Variants in XIAP observed in about 807,000 individuals in gnomAD.
XIAP encodes E3 ubiquitin-protein ligase XIAP.
Under a neutral mutation model 33.1 loss-of-function variants are expected in XIAP, and 3 were observed. The observed-to-expected ratio is 0.09, with a 90% CI of 0.04 to 0.23. The LOEUF is 0.23. Among genes scored for constraint, XIAP ranks in the 10% least tolerant of loss-of-function variants. The pLI, the probability that XIAP is intolerant of heterozygous loss-of-function variation, is 1.00. For synonymous variants in XIAP, 98 were observed against 121.3 expected (o/e 0.81, Z 1.26); for missense variants, 264 against 363.0 (o/e 0.73, Z 2.22).
chrX:123,906,909 G>A, intron 6 of XIAP, 79 bp from the exon 7 acceptor site: 4 of 1,128,414 alleles, frequency 3.5e-6, no homozygotes, highest in Non-Finnish European at 4.8e-6. Flanking sequence ...GCACGTAGTA[G>A]GGGCTCAATA....
chrX:123,900,745 T>A, intron 6 of XIAP, 52 bp downstream of exon 6: 1 of 1,103,886 alleles, frequency 9.1e-7, no homozygotes, highest in East Asian at 3.0e-5. Flanking sequence ...TGGTGGCTCA[T>A]ACCTGTAATC....
At chrX:123,902,222 G>A (rs749509024) in intron 6 of XIAP, among the ~76,000 whole-genome samples, 93 of 111,804 alleles carry the variant, frequency 8.3e-4, no homozygotes, top group Non-Finnish European at 1.4e-3. Context: ...GCATTAGGGA[G>A]AGTGTCTTTT....
chrX:123,886,752 G>A (rs1317446194), intron 2 of XIAP, among the ~76,000 whole-genome samples: 1 of 111,236 alleles, frequency 9.0e-6, no homozygotes, highest in Non-Finnish European at 1.9e-5. Context: ...TATGAGTCAT[G>A]CTTCTCTTCA....
rs146185596 is a variant in XIAP, at chrX:123,899,792, A to G, written c.1100-701A>G. On this transcript the variant is annotated intron_variant, in intron 5 of 6. Transcript: ENST00000371199. The stretch of plus-strand genomic sequence containing the variant: ...TGTATCTGTTCACCTGATGATGGAC[A>G]TTTGAGTTGTTTCCAGTTTGGGGCT... 2.2e-3 allele frequency among the ~76,000 whole-genome samples: 236 copies of G among 108,754 alleles called. 1 individual carries two copies. The highest frequency in any genetic ancestry group is 9.4e-3 in the Middle Eastern group (2 of 212). 94.4% of individuals were successfully genotyped at this position (108,754 alleles called of 115,157 possible). A position where few individuals can be genotyped will look rare whatever the true frequency, so the allele number is the denominator to read the frequency against.
At chrX:123,898,135 G>A (rs2053477424) in intron 5 of XIAP, among the ~76,000 whole-genome samples, 1 of 111,425 alleles carries the variant, frequency 9.0e-6, no homozygotes, top group East Asian at 2.8e-4. Context: ...AATTTATGTT[G>A]TTCCTAAGCT....
chrX:123,890,387 G>C (rs1464753784), intron 3 of XIAP, among the ~76,000 whole-genome samples: 2 of 106,858 alleles, frequency 1.9e-5, no homozygotes, highest in Non-Finnish European at 3.9e-5. Context: ...ACTTTGGGAG[G>C]CTGAGGCGGG....
intron 1 of XIAP, among the ~76,000 whole-genome samples, chrX:123,864,104 A>T (rs1342209493): frequency 9.2e-6 from 1 of 108,263 alleles, no homozygotes; most frequent in Non-Finnish European, 1.9e-5. Flanking sequence ...CAAAATTATT[A>T]TAATTAATGG....
At chrX:123,904,991 T>A (rs1026749110) in intron 6 of XIAP, among the ~76,000 whole-genome samples, 1 of 112,019 alleles carries the variant, frequency 8.9e-6, no homozygotes, top group Non-Finnish European at 1.9e-5. Context: ...TAGACCAAGC[T>A]TCTTAAGGGT....
At position 123,885,890 on chromosome X, in the gene XIAP, A is replaced by G; in HGVS notation, c.228A>G (p.Gly76=). The change falls in exon 2 of 7, where the codon GGA becomes GGG. Residue 76 remains glycine, a synonymous_variant. Transcript: ENST00000371199. ...CAGCTGTAGATAGATGGCAATATGG[A>G]GACTCAGCAGTTGGAAGACACAGGA... The part of the protein sequence containing the change: ...CHAAVDRWQY[G]DSAVGRHRKV... 1 of 1,211,863 alleles carries G rather than the reference A, an allele frequency of 8.3e-7. No homozygotes were observed. Among genetic ancestry groups the G allele is most frequent in the East Asian group, 3.0e-5 (1 of 33,862 alleles).
chrX:123,871,028 C>T (rs184098695), intron 1 of XIAP, among the ~76,000 whole-genome samples: 41 of 111,280 alleles, frequency 3.7e-4, no homozygotes, highest in African/African-American at 6.5e-4. Flanking sequence ...ATGCAACCTC[C>T]GCCTCCCAGG....
At chrX:123,875,481 C>A (rs1370489836) in intron 1 of XIAP, among the ~76,000 whole-genome samples, 1 of 112,133 alleles carries the variant, frequency 8.9e-6, no homozygotes, top group African/African-American at 3.2e-5. Flanking sequence ...GCAAATGCCT[C>A]TTGCTTCATA....
At position 123,891,232 on chromosome X, in the gene XIAP, G is replaced by A. The variant is rs912189497; in HGVS notation, c.978-6G>A. 1.6e-5 allele frequency: 16 copies of A among 996,109 alleles called. No individual in the cohort carries two copies. The highest frequency in any genetic ancestry group is 2.2e-5 in the Non-Finnish European group (16 of 713,396). 82.1% of individuals were successfully genotyped at this position (996,109 alleles called of 1,213,427 possible). On this transcript the variant is annotated splice_polypyrimidine_tract_variant and splice_region_variant and intron_variant, in intron 3 of 6. Transcript: ENST00000371199. ...GCTACTAAAGTTTAATCTTTTAATT[G>A]TTTAGGTGCAAATATCTGTTAGAAC...
intron 1 of XIAP, among the ~76,000 whole-genome samples, chrX:123,885,227 AATAT>A (rs908918860): frequency 2.7e-5 from 3 of 111,975 alleles, no homozygotes; most frequent in African/African-American, 9.7e-5. Context: ...TGATGCCTTG[AATAT>A]ATAATGATTC....
intron 1 of XIAP, chrX:123,872,604 C>G (rs1432724673): frequency 9.0e-6 from 1 of 110,715 alleles, no homozygotes; most frequent in Non-Finnish European, 1.9e-5. Context: ...AGGAGAATCA[C>G]TTGAATTTGG....
chrX:123,871,520 C>CT (rs773491911), intron 1 of XIAP, among the ~76,000 whole-genome samples: 1,863 of 101,982 alleles, frequency 0.018, 17 homozygotes, highest in African/African-American at 0.036. Flanking sequence ...CTTTTTCTTT[C>CT]TTTTTTTTTT....
Position 123,888,001 on chromosome X carries a change from AATT to A in XIAP, c.878-616_878-614del, listed in dbSNP as rs1308036068. On this transcript the variant is annotated intron_variant, in intron 2 of 6. Transcript: ENST00000371199. ...CTCCATCTCAGAAAAAAATAATAAT[AATT>A]AATAAATAAATAAATAAATAAATAA... Among the ~76,000 whole-genome samples, 308 of 67,255 alleles carry A rather than the reference AATT, an allele frequency of 4.6e-3. 1 individual carries two copies. Among genetic ancestry groups the A allele is most frequent in the African/African-American group, 0.016 (290 of 17,992 alleles). The allele number at this position is 67,255 out of a possible 115,157, so 58.4% of individuals were successfully genotyped here.
chrX:123,903,724 G>C (rs2053536434), intron 6 of XIAP, among the ~76,000 whole-genome samples: 1 of 104,335 alleles, frequency 9.6e-6, no homozygotes, highest in African/African-American at 3.6e-5. Context: ...TGGTTCCGTA[G>C]TGTTAAGTAC....
chrX:123,868,012 G>A (rs1487246227), intron 1 of XIAP, among the ~76,000 whole-genome samples: 1 of 111,341 alleles, frequency 9.0e-6, no homozygotes, highest in Non-Finnish European at 1.9e-5. Flanking sequence ...TTTATCCAGT[G>A]TATTATTTTA....
At chrX:123,890,388 C>T (rs755209731) in intron 3 of XIAP, among the ~76,000 whole-genome samples, 52 of 106,357 alleles carry the variant, frequency 4.9e-4, no homozygotes, top group African/African-American at 1.7e-3. Flanking sequence ...CTTTGGGAGG[C>T]TGAGGCGGGT....
Sources: gnomAD v4.1 joint callset for allele counts (sites outside exome capture counted in the v4.1 genomes callset) on GRCh38, gnomAD v4.1.1 for gene constraint, MANE v1.5 for transcripts, NCBI Gene and HGNC (gene_info 2026-07-23, HGNC 2026-07-21) for gene names.